ST8SIA1: variants seen among roughly 807,000 people sequenced by gnomAD.
ST8SIA1 encodes the protein alpha-N-acetylneuraminide alpha-2,8-sialyltransferase.
Under a neutral mutation model 35.9 loss-of-function variants are expected in ST8SIA1, and 16 were observed. The ratio of observed to expected loss-of-function variants is 0.45; its 90% confidence interval spans 0.30 to 0.68. The LOEUF is 0.68. Among genes scored for constraint, ST8SIA1 ranks in the 30% least tolerant of loss-of-function variants. The pLI is 0.09. For synonymous variants in ST8SIA1, 170 were observed against 169.6 expected (o/e 1.00, Z -0.02); for missense variants, 383 against 453.6 (o/e 0.84, Z 1.41).
rs1324355158 is a variant in ST8SIA1, at chr12:22,195,406, C to G, written c.*6146G>C. ...CTGTCTGTCACACTGCTTCCTCTAG[C>G]ATCTTTTCTCTCTTTTTTTTTCTGT... On this transcript the variant is annotated 3_prime_UTR_variant, in exon 5 of 5. Transcript: ENST00000396037. The G allele has an allele frequency of 6.6e-6, 1 of 152,036 alleles. No homozygotes were observed. The highest frequency in any genetic ancestry group is 1.5e-5 in the Non-Finnish European group (1 of 68,172). 9.4% of individuals were successfully genotyped at this position (152,036 alleles called of 1,614,324 possible). A position where few individuals can be genotyped will look rare whatever the true frequency, so the allele number is the denominator to read the frequency against.
intron 3 of ST8SIA1, chr12:22,250,756 T>A (rs2120754719): frequency 6.6e-6 from 1 of 152,336 alleles, no homozygotes; most frequent in Admixed American, 6.5e-5. Context: ...CATCAAGGCA[T>A]CCTAGGCAGA....
chr12:22,304,188 A>AT (rs1007589151), intron 1 of ST8SIA1, among the ~76,000 whole-genome samples: 1 of 151,996 alleles, frequency 6.6e-6, no homozygotes, highest in Non-Finnish European at 1.5e-5. Context: ...ATTTAAAAAG[A>AT]TTTTTTTTAA....
At chr12:22,230,925 C>A (rs1865411971) in intron 4 of ST8SIA1, among the ~76,000 whole-genome samples, 1 of 152,000 alleles carries the variant, frequency 6.6e-6, no homozygotes, top group Non-Finnish European at 1.5e-5. Context: ...ACATTAAGAT[C>A]TCTTGGGCCA....
intron 2 of ST8SIA1, among the ~76,000 whole-genome samples, chr12:22,277,708 G>A (rs1230570029): frequency 6.6e-6 from 1 of 152,124 alleles, no homozygotes; most frequent in Non-Finnish European, 1.5e-5. Context: ...ATAGATAACA[G>A]ATGATAAACC....
intron 1 of ST8SIA1, among the ~76,000 whole-genome samples, chr12:22,314,714 A>G (rs1040316950): frequency 3.9e-5 from 6 of 152,086 alleles, no homozygotes; most frequent in Non-Finnish European, 8.8e-5. Context: ...TGCCCATTCT[A>G]TGCCATTCCC....
intron 1 of ST8SIA1, among the ~76,000 whole-genome samples, chr12:22,318,972 G>C (rs1442100156): frequency 1.3e-5 from 2 of 152,114 alleles, no homozygotes; most frequent in Non-Finnish European, 2.9e-5. Context: ...TCTCCATCAA[G>C]AAAATGATGA....
Position 22,201,567 on chromosome 12 carries a change from G to T in ST8SIA1, c.1056C>A (p.Leu352=). Residue 352 remains leucine, a synonymous_variant, in exon 5 of 5, where the codon CTC becomes CTA. Coordinates refer to ENST00000396037, the MANE Select transcript of ST8SIA1 (RefSeq NM_003034.4). ...MQLDPCEDTS[L]QPTS ...TCCATTGTTCCTAGGAAGTGGGCTGGAGTGAGGTATCTTCACATGGGTCCA... is the reference window on the plus strand; with the variant it reads ...TCCATTGTTCCTAGGAAGTGGGCTGTAGTGAGGTATCTTCACATGGGTCCA... The T allele has an allele frequency of 6.2e-7, 1 of 1,609,734 alleles. No homozygotes were observed. The highest frequency in any genetic ancestry group is 8.5e-7 in the Non-Finnish European group (1 of 1,177,958).
chr12:22,226,191 A>G (rs1445970891), intron 4 of ST8SIA1, among the ~76,000 whole-genome samples: 1 of 152,178 alleles, frequency 6.6e-6, no homozygotes, highest in Non-Finnish European at 1.5e-5. Flanking sequence ...CCCTCGTATT[A>G]TATATATGAC....
At chr12:22,208,158 A>G (rs1441249825) in intron 4 of ST8SIA1, among the ~76,000 whole-genome samples, 1 of 151,356 alleles carries the variant, frequency 6.6e-6, no homozygotes, top group Non-Finnish European at 1.5e-5. Flanking sequence ...AAAAAGAAGC[A>G]AAATCAATAA....
At chr12:22,281,293 C>A (rs2135812794) in intron 2 of ST8SIA1, among the ~76,000 whole-genome samples, 1 of 152,196 alleles carries the variant, frequency 6.6e-6, no homozygotes, top group East Asian at 1.9e-4. Context: ...TCCCAATGTG[C>A]AAATTATAAA....
At position 22,196,418 on chromosome 12, in the gene ST8SIA1, T is replaced by G. The variant is rs536554403; in HGVS notation, c.*5134A>C. 4.6e-5 allele frequency: 7 copies of G among 152,204 alleles called. No individual in the cohort carries two copies. In the South Asian group the frequency reaches 1.2e-3, roughly 27 times the overall value. 9.4% of individuals were successfully genotyped at this position (152,204 alleles called of 1,614,324 possible). A position where few individuals can be genotyped will look rare whatever the true frequency, so the allele number is the denominator to read the frequency against. On this transcript the variant is annotated 3_prime_UTR_variant, in exon 5 of 5. Transcript: ENST00000396037. ...GTATGTAAAAAATTCAAAAGACAAG[T>G]CTGGGCTGAGGGTAAAGCAGATGGT...
chr12:22,316,911 A>G (rs1415293079), intron 1 of ST8SIA1, among the ~76,000 whole-genome samples: 1 of 152,028 alleles, frequency 6.6e-6, no homozygotes, highest in Non-Finnish European at 1.5e-5. Flanking sequence ...AACATTCAGT[A>G]TCGGGAAAAA....
chr12:22,263,024 C>T (rs925281777), intron 2 of ST8SIA1, among the ~76,000 whole-genome samples: 1 of 152,072 alleles, frequency 6.6e-6, no homozygotes, highest in Non-Finnish European at 1.5e-5. Flanking sequence ...ACCAGCTCAC[C>T]AGGAATCTTA....
intron 2 of ST8SIA1, among the ~76,000 whole-genome samples, chr12:22,257,374 G>T (rs1865739543): frequency 7.4e-6 from 1 of 135,564 alleles, no homozygotes; most frequent in Non-Finnish European, 1.6e-5. Flanking sequence ...ACCATGCCCA[G>T]CTAATTTTTT....
intron 3 of ST8SIA1, among the ~76,000 whole-genome samples, chr12:22,250,189 C>A (rs79033110): frequency 6.6e-6 from 1 of 152,116 alleles, no homozygotes; most frequent in Non-Finnish European, 1.5e-5. Flanking sequence ...ATGACCACTG[C>A]GAATTCAAAT....
intron 1 of ST8SIA1, among the ~76,000 whole-genome samples, chr12:22,293,815 C>T (rs1405680234): frequency 6.6e-6 from 1 of 152,100 alleles, no homozygotes; most frequent in Non-Finnish European, 1.5e-5. Context: ...ATAAGTTGTA[C>T]GTTCACCATA....
chr12:22,320,464 T>C (rs1432172767), intron 1 of ST8SIA1, among the ~76,000 whole-genome samples: 1 of 152,142 alleles, frequency 6.6e-6, no homozygotes, highest in Non-Finnish European at 1.5e-5. Context: ...GGCCACAGCC[T>C]TTCCACCCCC....
chr12:22,207,438 A>C (rs966445293), intron 4 of ST8SIA1, among the ~76,000 whole-genome samples: 2 of 152,310 alleles, frequency 1.3e-5, no homozygotes, highest in Admixed American at 6.5e-5. Flanking sequence ...TGAAATTTTA[A>C]GAACTGTAAT....
chr12:22,229,772 G>C (rs2120688782), intron 4 of ST8SIA1, among the ~76,000 whole-genome samples: 1 of 152,290 alleles, frequency 6.6e-6, no homozygotes, highest in East Asian at 1.9e-4. Context: ...TGAGGTACCT[G>C]GGGATTTCTA....
Sources: gnomAD v4.1 joint callset for allele counts (sites outside exome capture counted in the v4.1 genomes callset) on GRCh38, gnomAD v4.1.1 for gene constraint, MANE v1.5 for transcripts, NCBI Gene and HGNC (gene_info 2026-07-23, HGNC 2026-07-21) for gene names.